The following POU2AF2 variants were observed in gnomAD, a reference collection of about 807,000 sequenced individuals.
POU2AF2 encodes the protein POU class 2 homeobox associating factor 2.
chr11:111,282,090 TC>T, the POU2AF2 span, among the ~76,000 whole-genome samples: 8 of 152,144 alleles, frequency 5.3e-5, no homozygotes, highest in African/African-American at 1.7e-4. Context: ...TGGTGGCATC[TC>T]CTGCCTTCTA....
At chr11:111,250,395 C>T in the POU2AF2 span, among the ~76,000 whole-genome samples, 34,314 of 152,088 alleles carry the variant, frequency 0.23, 4,275 homozygotes, top group East Asian at 0.41. Flanking sequence ...GGTTTCCATA[C>T]GTTACAACAT....
chr11:111,273,050 A>T, the POU2AF2 span, among the ~76,000 whole-genome samples: 1 of 152,330 alleles, frequency 6.6e-6, no homozygotes, highest in Admixed American at 6.5e-5. Flanking sequence ...TCAAATATAT[A>T]ACTCAGATAA....
At chr11:111,249,406 A>T in the POU2AF2 span, among the ~76,000 whole-genome samples, 2 of 152,196 alleles carry the variant, frequency 1.3e-5, no homozygotes, top group Non-Finnish European at 2.9e-5. Flanking sequence ...AAGAATTTGT[A>T]CCAGTTTCCA....
the POU2AF2 span, among the ~76,000 whole-genome samples, chr11:111,254,057 C>A: frequency 1.3e-5 from 2 of 152,160 alleles, no homozygotes; most frequent in East Asian, 3.8e-4. Context: ...TAAAGTATTT[C>A]TCTCCCCACT....
chr11:111,276,453 A>AAAAAAATATATAT, the POU2AF2 span, among the ~76,000 whole-genome samples: 47 of 37,608 alleles, frequency 1.2e-3, 1 homozygote, highest in Non-Finnish European at 1.7e-3. Flanking sequence ...AAAAAAAAAA[A>AAAAAAATATATAT]ATATATATAT....
At chr11:111,267,063 G>T in the POU2AF2 span, among the ~76,000 whole-genome samples, 2 of 152,184 alleles carry the variant, frequency 1.3e-5, no homozygotes, top group Non-Finnish European at 2.9e-5. Context: ...CCCACAGTGT[G>T]CCTGTAGACT....
the POU2AF2 span, chr11:111,285,946 C>G: frequency 5.6e-6 from 9 of 1,613,946 alleles, 1 homozygote; most frequent in South Asian, 9.9e-5. Flanking sequence ...TGGGGCCACT[C>G]TCCCCAGATG....
At chr11:111,264,802 G>A in the POU2AF2 span, among the ~76,000 whole-genome samples, 1 of 138,960 alleles carries the variant, frequency 7.2e-6, no homozygotes, top group East Asian at 2.1e-4. Flanking sequence ...GGGAGGGAAG[G>A]GAAAGAGACA....
At chr11:111,284,223 AT>A in the POU2AF2 span, 5 of 1,614,066 alleles carry the variant, frequency 3.1e-6, no homozygotes, top group African/African-American at 6.7e-5. Flanking sequence ...GGGCAGAGCC[AT>A]GCGGCTCTCC....
At chr11:111,264,577 G>GAAAGAGAGA in the POU2AF2 span, among the ~76,000 whole-genome samples, 1 of 22,930 alleles carries the variant, frequency 4.4e-5, no homozygotes, top group African/African-American at 1.5e-4. Context: ...AGAAAGAAAG[G>GAAAGAGAGA]GAGAGAGAAA....
At chr11:111,263,990 T>C in the POU2AF2 span, among the ~76,000 whole-genome samples, 97 of 152,322 alleles carry the variant, frequency 6.4e-4, no homozygotes, top group Non-Finnish European at 1.2e-3. Context: ...CTCAACTGCA[T>C]GTGAGGAGTG....
the POU2AF2 span, among the ~76,000 whole-genome samples, chr11:111,283,238 A>G: frequency 6.6e-6 from 1 of 151,826 alleles, no homozygotes; most frequent in African/African-American, 2.4e-5. Context: ...TTTAGTAGAG[A>G]TGGGTTTTCA....
the POU2AF2 span, among the ~76,000 whole-genome samples, chr11:111,260,082 G>A: frequency 1.3e-5 from 2 of 152,132 alleles, no homozygotes; most frequent in Admixed American, 6.5e-5. Context: ...TGTTGCAAAC[G>A]CAATCCAATA....
chr11:111,260,936 ACT>A, the POU2AF2 span, among the ~76,000 whole-genome samples: 1 of 151,936 alleles, frequency 6.6e-6, no homozygotes, highest in Admixed American at 6.5e-5. Flanking sequence ...TTTACACAAG[ACT>A]CTGTTGATCC....
the POU2AF2 span, among the ~76,000 whole-genome samples, chr11:111,275,831 T>TA: frequency 2.0e-5 from 3 of 151,834 alleles, no homozygotes; most frequent in Admixed American, 6.6e-5. Flanking sequence ...TTTATAGAAA[T>TA]AAAAAAATAT....
chr11:111,268,467 C>A, the POU2AF2 span, among the ~76,000 whole-genome samples: 2 of 115,252 alleles, frequency 1.7e-5, no homozygotes, highest in Non-Finnish European at 1.9e-5. Flanking sequence ...GTTATTGCTA[C>A]ATTTTTCTTT....
At chr11:111,250,793 G>A in the POU2AF2 span, among the ~76,000 whole-genome samples, 2 of 152,294 alleles carry the variant, frequency 1.3e-5, no homozygotes, top group South Asian at 2.1e-4. Flanking sequence ...AAATCATTTA[G>A]CCATGTGGAT....
the POU2AF2 span, among the ~76,000 whole-genome samples, chr11:111,261,603 AG>A: frequency 0.083 from 12,694 of 152,266 alleles, 732 homozygotes; most frequent in Middle Eastern, 0.17. Context: ...GTGTAGGAAA[AG>A]GAAATCAGCT....
the POU2AF2 span, among the ~76,000 whole-genome samples, chr11:111,280,055 A>ATATATATATAT: frequency 9.1e-5 from 6 of 65,726 alleles, no homozygotes; most frequent in East Asian, 3.7e-4. Context: ...AAAAAAAAAA[A>ATATATATATAT]AAATATATAT....
Sources: gnomAD v4.1 joint callset for allele counts (sites outside exome capture counted in the v4.1 genomes callset) on GRCh38, gnomAD v4.1.1 for gene constraint, MANE v1.5 for transcripts, NCBI Gene and HGNC (gene_info 2026-07-23, HGNC 2026-07-21) for gene names.